Variants in GBE1 observed in about 807,000 individuals in gnomAD.
The protein encoded by GBE1 is 1,4-alpha-glucan-branching enzyme.
GBE1 carries 70 observed loss-of-function variants against 88.8 expected under a neutral mutation model. The ratio of observed to expected loss-of-function variants is 0.79; its 90% CI spans 0.65 to 0.96. The LOEUF is 0.96. Ranked by LOEUF, GBE1 falls within the 40% of genes least tolerant of loss-of-function variation. GBE1 has a pLI of 0.00. For missense variants in GBE1, 872 were observed against 871.0 expected, an observed-to-expected ratio of 1.00 and a Z score of -0.01; for synonymous variants, 284 against 300.1, an observed-to-expected ratio of 0.95 and a Z score of 0.56.
At chr3:81,535,114 A>G (rs1315755642) in intron 14 of GBE1, 81 bp downstream of exon 14, 30 of 1,120,740 alleles carry the variant, frequency 2.7e-5, no homozygotes, top group Non-Finnish European at 3.4e-5. Context: ...GATCAACCTT[A>G]GTCTTTTTTT....
intron 6 of GBE1, 85 bp downstream of exon 6, chr3:81,646,307 T>A (rs1704762175): frequency 2.3e-6 from 2 of 864,054 alleles, no homozygotes; most frequent in Admixed American, 4.5e-5. Flanking sequence ...GGTTACACGA[T>A]GTTATAAAAA....
intron 14 of GBE1, among the ~76,000 whole-genome samples, chr3:81,512,500 C>T (rs375230054): frequency 7.9e-5 from 12 of 151,902 alleles, no homozygotes; most frequent in African/African-American, 2.9e-4. Flanking sequence ...TAGTCAAAGG[C>T]ATCATTAACC....
intron 1 of GBE1, among the ~76,000 whole-genome samples, chr3:81,737,020 C>A (rs1706265015): frequency 6.6e-6 from 1 of 151,608 alleles, no homozygotes; most frequent in Non-Finnish European, 1.5e-5. Flanking sequence ...TGGCTTTGGA[C>A]TAAGAAGCTA....
intron 1 of GBE1, among the ~76,000 whole-genome samples, chr3:81,755,618 C>T (rs576109635): frequency 6.6e-6 from 1 of 152,216 alleles, no homozygotes; most frequent in African/African-American, 2.4e-5. Context: ...AGTATATATA[C>T]ACAATGGAAT....
At chr3:81,701,526 T>A (rs1332184114) in intron 2 of GBE1, among the ~76,000 whole-genome samples, 1 of 151,924 alleles carries the variant, frequency 6.6e-6, no homozygotes, top group East Asian at 1.9e-4. Flanking sequence ...TTTTTTTTAA[T>A]ACTGCCAATT....
chr3:81,566,919 T>C (rs575458110), intron 12 of GBE1, among the ~76,000 whole-genome samples: 7 of 152,290 alleles, frequency 4.6e-5, no homozygotes, highest in African/African-American at 7.2e-5. Context: ...CCCCTTTGAA[T>C]AGGCCTTTTC....
At position 81,733,324 on chromosome 3, in the gene GBE1, G is replaced by A. The variant is rs1174928229; in HGVS notation, c.144-27711C>T. Among the ~76,000 whole-genome samples, 1 of 151,442 alleles carries A rather than the reference G, an allele frequency of 6.6e-6. No individual in the cohort carries two copies. The highest frequency in any genetic ancestry group is 2.4e-5 in the African/African-American group (1 of 41,136). On this transcript the variant is annotated intron_variant, in intron 1 of 15. Transcript: ENST00000429644. This position sits in a 1 kb window ranked among gnomAD's most constrained non-coding sequence, Gnocchi z 4.0. ...CTAGTTGCAGGAAAACAAGCTCAGG[G>A]CTCCCACCAATTCTACATTATGGTG...
At chr3:81,732,690 A>G (rs1706206336) in intron 1 of GBE1, among the ~76,000 whole-genome samples, 2 of 152,154 alleles carry the variant, frequency 1.3e-5, no homozygotes, top group Non-Finnish European at 2.9e-5. Context: ...TGGATCACAT[A>G]ATAGCCATAA....
At position 81,649,891 on chromosome 3, in the gene GBE1, A is replaced by T; in HGVS notation, c.460T>A (p.Leu154Met). 1 of 1,609,900 alleles carries T rather than the reference A, an allele frequency of 6.2e-7. No individual in the cohort carries two copies. The highest frequency in any genetic ancestry group is 8.5e-7 in the Non-Finnish European group (1 of 1,176,808). ...VVITSKSGEILYRISPWAKYV... is the reference protein window; with the variant it reads ...VVITSKSGEIMYRISPWAKYV... ...TTTGCCCACGGTGAAATACGATACA[A>T]GATCTCTCCGCTTTTACTAGTAATA... Residue 154 changes from leucine to methionine, a missense_variant, in exon 4 of 16, where the codon TTG becomes ATG. By Grantham distance (15) the Leu-to-Met change is conservative. Coordinates refer to ENST00000429644, the MANE Select transcript of GBE1 (RefSeq NM_000158.4).
intron 10 of GBE1, among the ~76,000 whole-genome samples, chr3:81,584,863 A>G (rs1703780278): frequency 6.6e-6 from 1 of 151,946 alleles, no homozygotes; most frequent in African/African-American, 2.4e-5. Flanking sequence ...TTAAAACATT[A>G]TTGAATGTGA....
chr3:81,646,492 G>C lies in GBE1; in HGVS notation c.692-10C>G, dbSNP rs2107066201. ...TGAATGCAGTTGTATCCTATATAAG[G>C]CAATGGTCAAATCTAAATTAAAAGC... On this transcript the variant is annotated splice_polypyrimidine_tract_variant and intron_variant, in intron 5 of 15. Transcript: ENST00000429644. 2 of 1,456,616 alleles carry C rather than the reference G, an allele frequency of 1.4e-6. No homozygotes were observed. Among genetic ancestry groups the C allele is most frequent in the Non-Finnish European group, 1.9e-6 (2 of 1,063,250 alleles). The allele number at this position is 1,456,616 out of a possible 1,614,324, so 90.2% of individuals were successfully genotyped here. A position where few individuals can be genotyped will look rare whatever the true frequency, so the allele number is the denominator to read the frequency against.
intron 2 of GBE1, among the ~76,000 whole-genome samples, chr3:81,695,481 T>C (rs1055387903): frequency 4.6e-5 from 7 of 151,882 alleles, no homozygotes; most frequent in Non-Finnish European, 2.9e-5. Context: ...TTGACAGGGG[T>C]TGGTAGGAAG....
At chr3:81,550,375 G>A (rs1703256344) in intron 12 of GBE1, among the ~76,000 whole-genome samples, 1 of 151,330 alleles carries the variant, frequency 6.6e-6, no homozygotes, top group African/African-American at 2.4e-5. Context: ...AGTTAGGTAG[G>A]AATATCATTG....
rs762480067 is a variant in GBE1, at chr3:81,499,197, C to T, written c.1965G>A (p.Ala655=). The stretch of plus-strand genomic sequence containing the variant: ...CCAGTCTCTGATGCCCTCCATATTC[C>T]GCTGCATCTGAATCTAGCACAATTT... ...KFKIVLDSDA[A]EYGGHQRLDH... is the part of the protein sequence containing the mutation. The change falls in exon 15 of 16, where the codon GCG becomes GCA. Residue 655 remains alanine, a synonymous_variant. Transcript: ENST00000429644. The T allele has an allele frequency of 2.4e-5, 38 of 1,610,648 alleles. No individual in the cohort carries two copies. Among genetic ancestry groups the T allele is most frequent in the African/African-American group, 1.7e-4 (13 of 74,944 alleles).
chr3:81,527,335 A>C (rs1211969398), intron 14 of GBE1, among the ~76,000 whole-genome samples: 1 of 152,112 alleles, frequency 6.6e-6, no homozygotes, highest in Non-Finnish European at 1.5e-5. Flanking sequence ...CTAAAACACC[A>C]AAAGCAATGG....
At chr3:81,609,508 T>C (rs1044274193) in intron 7 of GBE1, among the ~76,000 whole-genome samples, 2 of 152,180 alleles carry the variant, frequency 1.3e-5, no homozygotes, top group Admixed American at 6.5e-5. Flanking sequence ...AATATATTTC[T>C]GTACTTCTAA....
At chr3:81,656,207 T>C (rs1013008438) in intron 3 of GBE1, among the ~76,000 whole-genome samples, 2 of 152,172 alleles carry the variant, frequency 1.3e-5, no homozygotes, top group Non-Finnish European at 2.9e-5. Flanking sequence ...AAGAAGGTCT[T>C]TGCAGATGTG....
At chr3:81,612,676 C>T in intron 7 of GBE1, 2 of 541,012 alleles carry the variant, frequency 3.7e-6, no homozygotes. Flanking sequence ...CACATTAAGT[C>T]TATTTCATTT....
At chr3:81,627,144 G>A (rs754308167) in intron 7 of GBE1, among the ~76,000 whole-genome samples, 20 of 152,162 alleles carry the variant, frequency 1.3e-4, no homozygotes, top group Non-Finnish European at 2.4e-4. Flanking sequence ...TTACTTCATA[G>A]AGATAATGGG....
Sources: allele counts gnomAD v4.1 joint callset (sites outside exome capture counted in the v4.1 genomes callset), GRCh38; gene constraint gnomAD v4.1.1; non-coding constraint Gnocchi (gnomAD v3.1); transcripts MANE v1.5; gene names NCBI Gene and HGNC (gene_info 2026-07-23, HGNC 2026-07-21).